Variants in NKIRAS1 observed in about 807,000 individuals in gnomAD.
The protein encoded by NKIRAS1 is NFKB inhibitor interacting Ras like 1.
A neutral mutation model predicts 19.8 loss-of-function variants in NKIRAS1; 16 were observed. The observed-to-expected ratio is 0.81, with a 90% CI of 0.55 to 1.23. The LOEUF (loss-of-function observed/expected upper bound fraction) is 1.23. Ranked by LOEUF, NKIRAS1 falls within the 50% of genes most tolerant of loss-of-function variation. NKIRAS1 has a pLI of 0.00. For synonymous variants in NKIRAS1, 88 were observed against 79.0 expected (o/e 1.11, Z -0.61); for missense variants, 184 against 220.0 (o/e 0.84, Z 1.04).
intron 1 of NKIRAS1, among the ~76,000 whole-genome samples, chr3:23,928,976 G>A (rs529443278): frequency 5.5e-5 from 8 of 146,766 alleles, no homozygotes; most frequent in East Asian, 4.1e-4. Flanking sequence ...CAGCCTGGGC[G>A]ACAGAGCGAG....
chr3:23,923,827 T>C (rs1705159197), intron 1 of NKIRAS1: 1 of 152,226 alleles, frequency 6.6e-6, no homozygotes, highest in African/African-American at 2.4e-5. Context: ...CCCTCTTTAA[T>C]GTATGTAATC....
chr3:23,934,833 G>GAA (rs34467255), intron 1 of NKIRAS1, among the ~76,000 whole-genome samples: 2,326 of 143,186 alleles, frequency 0.016, 27 homozygotes, highest in South Asian at 0.061. Context: ...TTGCTCTCTT[G>GAA]AAAAAAAAAA....
chr3:23,946,323 C>T (rs1156848397), exon 1 of NKIRAS1: 11 of 981,628 alleles, frequency 1.1e-5, no homozygotes, highest in Non-Finnish European at 1.2e-5. Flanking sequence ...AGCTGCATAC[C>T]TTGCAGATTC....
At chr3:23,924,053 C>A (rs1330689580) in intron 1 of NKIRAS1, 2 of 152,186 alleles carry the variant, frequency 1.3e-5, no homozygotes, top group Non-Finnish European at 2.9e-5. Flanking sequence ...TGGTATGCCT[C>A]CTCCACACTT....
intron 3 of NKIRAS1, among the ~76,000 whole-genome samples, chr3:23,902,508 G>A (rs1325776833): frequency 2.0e-5 from 3 of 152,136 alleles, no homozygotes; most frequent in East Asian, 1.9e-4. Context: ...AGACACAAAC[G>A]TATTGGGCTT....
chr3:23,944,821 C>A (rs1332315564), intron 1 of NKIRAS1, among the ~76,000 whole-genome samples: 1 of 23,828 alleles, frequency 4.2e-5, no homozygotes, highest in African/African-American at 1.7e-4. Context: ...GTTTGGAGGT[C>A]GGTCGGGTGG....
At chr3:23,925,188 G>A (rs1008487324) in intron 1 of NKIRAS1, among the ~76,000 whole-genome samples, 4 of 152,076 alleles carry the variant, frequency 2.6e-5, no homozygotes, top group African/African-American at 9.7e-5. Context: ...AATCCATTTC[G>A]TTTCTCTTTA....
intron 3 of NKIRAS1, among the ~76,000 whole-genome samples, chr3:23,908,558 A>C (rs187447253): frequency 7.5e-4 from 114 of 152,090 alleles, no homozygotes; most frequent in Admixed American, 1.8e-3. Flanking sequence ...TCTAAAAAGT[A>C]AATCAATGCC....
intron 4 of NKIRAS1, among the ~76,000 whole-genome samples, chr3:23,897,130 G>C (rs1702071283): frequency 6.6e-6 from 1 of 151,994 alleles, no homozygotes. Flanking sequence ...GAGGTCACTG[G>C]AGCCTGGGAG....
chr3:23,920,723 C>G (rs1445342418), upstream of NKIRAS1: 1 of 983,068 alleles, frequency 1.0e-6, no homozygotes, highest in African/African-American at 1.8e-5. Context: ...GTACTCATAG[C>G]AAGTTCATAA....
upstream of NKIRAS1, chr3:23,918,616 G>T: frequency 6.3e-7 from 1 of 1,597,246 alleles, no homozygotes; most frequent in South Asian, 1.1e-5. Flanking sequence ...AATACTGCCT[G>T]GGGATGGTGG....
chr3:23,909,845 GTTGTTT>G (rs1399847680), intron 3 of NKIRAS1, among the ~76,000 whole-genome samples: 2 of 146,242 alleles, frequency 1.4e-5, no homozygotes, highest in Admixed American at 7.1e-5. Context: ...GCTCTGCAAA[GTTGTTT>G]TTGTTTTTTT....
At chr3:23,907,173 C>T (rs918968576) in intron 3 of NKIRAS1, among the ~76,000 whole-genome samples, 10 of 152,186 alleles carry the variant, frequency 6.6e-5, no homozygotes, top group African/African-American at 2.4e-4. Flanking sequence ...GGATTACAGG[C>T]GTGAGCCACC....
chr3:23,930,179 T>C (rs7625196), intron 1 of NKIRAS1, among the ~76,000 whole-genome samples: 95,361 of 151,960 alleles, frequency 0.63, 30,183 homozygotes, highest in Middle Eastern at 0.73. Flanking sequence ...CATTGAGAGC[T>C]GCTTCATCCT....
At chr3:23,940,272 G>C (rs1490241290) in intron 1 of NKIRAS1, among the ~76,000 whole-genome samples, 1 of 151,620 alleles carries the variant, frequency 6.6e-6, no homozygotes, top group African/African-American at 2.4e-5. Flanking sequence ...TCGAGCCCAT[G>C]AGTTTGAAGC....
intron 3 of NKIRAS1, among the ~76,000 whole-genome samples, chr3:23,904,597 A>G (rs964467709): frequency 6.6e-6 from 1 of 152,188 alleles, no homozygotes; most frequent in African/African-American, 2.4e-5. Flanking sequence ...AAGTTTCAAC[A>G]TGAATTTTGG....
intron 1 of NKIRAS1, among the ~76,000 whole-genome samples, chr3:23,915,354 C>T (rs775210188): frequency 8.5e-5 from 13 of 152,204 alleles, no homozygotes; most frequent in Non-Finnish European, 1.5e-4. Flanking sequence ...AGAAGGAACA[C>T]AGCCCTACTG....
chr3:23,946,175 C>G, intron 1 of NKIRAS1: 1 of 985,280 alleles, frequency 1.0e-6, no homozygotes, highest in Non-Finnish European at 1.2e-6. Context: ...TGCGCGCCCG[C>G]TGAGCCCCCG....
upstream of NKIRAS1, chr3:23,921,533 A>G (rs945355915): frequency 4.5e-6 from 3 of 665,082 alleles, no homozygotes; most frequent in African/African-American, 3.8e-5. Context: ...CTATTTCTAT[A>G]TTGGCATGTA....
Sources: gnomAD v4.1 joint callset for allele counts (sites outside exome capture counted in the v4.1 genomes callset) on GRCh38, gnomAD v4.1.1 for gene constraint, MANE v1.5 for transcripts, NCBI Gene and HGNC (gene_info 2026-07-23, HGNC 2026-07-21) for gene names.